The following HSD17B12 variants were observed in gnomAD, a reference collection of about 807,000 sequenced individuals.
The protein encoded by HSD17B12 is very-long-chain 3-oxoacyl-CoA reductase.
HSD17B12 carries 32 observed loss-of-function variants against 39.3 expected under a neutral mutation model. The ratio of observed to expected loss-of-function variants is 0.81; its 90% CI spans 0.61 to 1.09. HSD17B12 has a LOEUF of 1.09. Ranked by LOEUF, HSD17B12 falls within the 50% of genes least tolerant of loss-of-function variation. The pLI is 0.00. For missense variants in HSD17B12, 342 were observed against 382.9 expected (o/e 0.89, Z 0.89); for synonymous variants, 150 against 146.7 (o/e 1.02, Z -0.16).
intron 1 of HSD17B12, among the ~76,000 whole-genome samples, chr11:43,741,093 A>G (rs1950359835): frequency 6.6e-6 from 1 of 152,200 alleles, no homozygotes; most frequent in Non-Finnish European, 1.5e-5. Context: ...TTTGGTTTTC[A>G]TTGAAAATTG....
At chr11:43,561,607 A>T in the HSD17B12 span, among the ~76,000 whole-genome samples, 1 of 152,094 alleles carries the variant, frequency 6.6e-6, no homozygotes, top group African/African-American at 2.4e-5. Context: ...AGGGACTTTG[A>T]GAGTTTTTGA....
chr11:43,564,200 T>C, the HSD17B12 span, among the ~76,000 whole-genome samples: 1 of 152,166 alleles, frequency 6.6e-6, no homozygotes, highest in Non-Finnish European at 1.5e-5. Flanking sequence ...GTATGGGTCC[T>C]AGAACTATAG....
intron 3 of HSD17B12, among the ~76,000 whole-genome samples, chr11:43,770,188 G>C (rs1950635558): frequency 6.6e-6 from 1 of 152,100 alleles, no homozygotes. Flanking sequence ...TTGTTGAGCT[G>C]ATTGTTTGTT....
the HSD17B12 span, among the ~76,000 whole-genome samples, chr11:43,652,974 T>G: frequency 4.6e-5 from 7 of 152,148 alleles, no homozygotes; most frequent in Admixed American, 4.6e-4. Flanking sequence ...TTGGGCTCTC[T>G]GGCAGCATTT....
chr11:43,626,095 CT>C, the HSD17B12 span, among the ~76,000 whole-genome samples: 2 of 151,330 alleles, frequency 1.3e-5, no homozygotes, highest in African/African-American at 2.4e-5. Context: ...TTGCTTAAGA[CT>C]TTTTTATTTT....
chr11:43,601,063 C>A, the HSD17B12 span, among the ~76,000 whole-genome samples: 3 of 151,334 alleles, frequency 2.0e-5, no homozygotes, highest in Non-Finnish European at 4.4e-5. Flanking sequence ...TGTGTGTATT[C>A]TGTCCTTTTT....
At chr11:43,755,778 A>G (rs567086671) in intron 3 of HSD17B12, among the ~76,000 whole-genome samples, 1 of 152,304 alleles carries the variant, frequency 6.6e-6, no homozygotes, top group Non-Finnish European at 1.5e-5. Flanking sequence ...AGCTGGTCCT[A>G]TTGGACAGAT....
At chr11:43,618,236 T>C in the HSD17B12 span, among the ~76,000 whole-genome samples, 13 of 152,318 alleles carry the variant, frequency 8.5e-5, no homozygotes, top group South Asian at 2.1e-4. Context: ...AACAACAAGA[T>C]AGCTTTGCCT....
At chr11:43,576,770 G>A in the HSD17B12 span, among the ~76,000 whole-genome samples, 12,446 of 152,164 alleles carry the variant, frequency 0.082, 567 homozygotes, top group Middle Eastern at 0.12. Flanking sequence ...GTGTGCGTGT[G>A]TATGTGTATA....
intron 1 of HSD17B12, among the ~76,000 whole-genome samples, chr11:43,708,809 T>TTTTATAA (rs1246737126): frequency 5.3e-5 from 8 of 152,260 alleles, no homozygotes; most frequent in Non-Finnish European, 1.2e-4. Flanking sequence ...AGTGCTTATC[T>TTTTATAA]TTTATAATGG....
chr11:43,660,192 G>T, the HSD17B12 span, among the ~76,000 whole-genome samples: 1 of 152,068 alleles, frequency 6.6e-6, no homozygotes, highest in Non-Finnish European at 1.5e-5. Context: ...TGGAGGGTAG[G>T]CCCCTCATTG....
chr11:43,620,904 T>G, the HSD17B12 span, among the ~76,000 whole-genome samples: 1 of 152,202 alleles, frequency 6.6e-6, no homozygotes, highest in African/African-American at 2.4e-5. Flanking sequence ...ACCAATAATG[T>G]AGAAAGTATT....
At chr11:43,854,494 T>G in intron 9 of HSD17B12, 1 of 486,278 alleles carries the variant, frequency 2.1e-6, no homozygotes, top group South Asian at 3.7e-5. Flanking sequence ...CTTTCTCTGG[T>G]CTCAAACTCT....
the HSD17B12 span, among the ~76,000 whole-genome samples, chr11:43,621,445 T>G: frequency 6.6e-6 from 1 of 152,172 alleles, no homozygotes. Context: ...CTGGGCACAG[T>G]GGCTCACACC....
intron 1 of HSD17B12, among the ~76,000 whole-genome samples, chr11:43,691,874 G>A (rs1259941964): frequency 1.3e-5 from 2 of 152,180 alleles, no homozygotes; most frequent in African/African-American, 4.8e-5. Flanking sequence ...TTTGGTGGTT[G>A]TTGCATGTTG....
chr11:43,599,541 T>C, the HSD17B12 span, among the ~76,000 whole-genome samples: 4 of 152,266 alleles, frequency 2.6e-5, no homozygotes, highest in South Asian at 6.2e-4. Flanking sequence ...CTAGTACCCA[T>C]TAGTTATTTT....
chr11:43,652,904 C>T, the HSD17B12 span, among the ~76,000 whole-genome samples: 1 of 152,010 alleles, frequency 6.6e-6, no homozygotes, highest in African/African-American at 2.4e-5. Context: ...CTAATAAGAT[C>T]ATACTATTCA....
At chr11:43,639,320 C>T in the HSD17B12 span, among the ~76,000 whole-genome samples, 77 of 152,284 alleles carry the variant, frequency 5.1e-4, no homozygotes, top group African/African-American at 1.5e-3. Flanking sequence ...TTCAGGAAAA[C>T]GAGTAGAGCT....
chr11:43,746,336 C>T (rs888374006), intron 1 of HSD17B12, among the ~76,000 whole-genome samples: 2 of 152,126 alleles, frequency 1.3e-5, no homozygotes, highest in African/African-American at 2.4e-5. Context: ...TTCTTTATAT[C>T]CTTATTCCAT....
Sources: gnomAD v4.1 joint callset for allele counts (sites outside exome capture counted in the v4.1 genomes callset) on GRCh38, gnomAD v4.1.1 for gene constraint, MANE v1.5 for transcripts, NCBI Gene and HGNC (gene_info 2026-07-23, HGNC 2026-07-21) for gene names.